The following PTPN4 variants were observed in gnomAD, a reference collection of about 807,000 sequenced individuals.
PTPN4 encodes the protein tyrosine-protein phosphatase non-receptor type 4.
In PTPN4, 49 loss-of-function variants were observed where a neutral mutation model predicts 135.5. The ratio of observed to expected loss-of-function variants is 0.36; its 90% CI spans 0.29 to 0.46. The LOEUF (loss-of-function observed/expected upper bound fraction) is 0.46. Ranked by LOEUF, PTPN4 falls within the 20% of genes least tolerant of loss-of-function variation. PTPN4 has a pLI of 1.00. For synonymous variants in PTPN4, 333 were observed against 369.9 expected (o/e 0.90, Z 1.14); for missense variants, 860 against 1,101.0 (o/e 0.78, Z 3.10).
intron 26 of PTPN4, among the ~76,000 whole-genome samples, chr2:119,968,530 G>T (rs1050789133): frequency 6.6e-6 from 1 of 151,706 alleles, no homozygotes. Context: ...GGTAGCTCAC[G>T]CCTGTAATCC....
At chr2:119,912,654 A>G (rs764732551) in intron 10 of PTPN4, among the ~76,000 whole-genome samples, 2 of 152,222 alleles carry the variant, frequency 1.3e-5, no homozygotes, top group Non-Finnish European at 2.9e-5. Flanking sequence ...GTTAATTATT[A>G]TCGAAACTGT....
intron 9 of PTPN4, among the ~76,000 whole-genome samples, chr2:119,889,796 A>G (rs1678214749): frequency 6.6e-6 from 1 of 152,062 alleles, no homozygotes; most frequent in Admixed American, 6.6e-5. Flanking sequence ...GTTGTATCCC[A>G]CAGGTTTTGC....
At chr2:119,768,832 T>C (rs1690685040) in intron 1 of PTPN4, among the ~76,000 whole-genome samples, 1 of 152,192 alleles carries the variant, frequency 6.6e-6, no homozygotes, top group Non-Finnish European at 1.5e-5. Flanking sequence ...AGAAATTTGT[T>C]AGAAAGGTGC....
At chr2:119,943,971 C>A (rs1679098524) in intron 15 of PTPN4, among the ~76,000 whole-genome samples, 1 of 152,118 alleles carries the variant, frequency 6.6e-6, no homozygotes, top group Non-Finnish European at 1.5e-5. Context: ...AAGCAAGTCA[C>A]ATGGCCAGGC....
chr2:119,767,987 A>C (rs928269466), intron 1 of PTPN4, among the ~76,000 whole-genome samples: 4 of 152,236 alleles, frequency 2.6e-5, no homozygotes, highest in Non-Finnish European at 5.9e-5. Flanking sequence ...TTCAGGTCTG[A>C]TGATTGCTAC....
At chr2:119,847,328 ATTTT>A (rs150876390) in intron 2 of PTPN4, among the ~76,000 whole-genome samples, 4 of 102,734 alleles carry the variant, frequency 3.9e-5, no homozygotes, top group South Asian at 3.1e-4. Context: ...ATATATATAT[ATTTT>A]TTTTTTTTTT....
At position 119,809,880 on chromosome 2, in the gene PTPN4, T is replaced by C. The variant is rs1258971515; in HGVS notation, c.27T>C (p.Ala9=). 6.2e-7 allele frequency: 1 copy of C among 1,612,352 alleles called. No homozygotes were observed. Among genetic ancestry groups the C allele is most frequent in the African/African-American group, 1.3e-5 (1 of 74,810 alleles). Residue 9 remains alanine (A), a synonymous_variant, in exon 2 of 27, where the codon GCT becomes GCC. Coordinates refer to ENST00000263708, the MANE Select transcript of PTPN4 (RefSeq NM_002830.4). The part of the protein sequence containing the change: MTSRFRLP[A]GRTYNVRASE... ...TGACCTCACGTTTCCGATTGCCTGCTGGCAGAACCTACAATGTACGAGCAT... is the reference window on the plus strand; with the variant it reads ...TGACCTCACGTTTCCGATTGCCTGCCGGCAGAACCTACAATGTACGAGCAT...
chr2:119,780,329 T>G (rs886656241), intron 1 of PTPN4, among the ~76,000 whole-genome samples: 3 of 152,200 alleles, frequency 2.0e-5, no homozygotes, highest in African/African-American at 7.2e-5. Flanking sequence ...ATGATCACAC[T>G]CAGGAAATTT....
intron 1 of PTPN4, among the ~76,000 whole-genome samples, chr2:119,808,986 T>G (rs566717614): frequency 5.3e-5 from 8 of 152,196 alleles, no homozygotes; most frequent in Non-Finnish European, 7.3e-5. Flanking sequence ...ATACTAGTCT[T>G]TCTTCTAGTT....
intron 26 of PTPN4, among the ~76,000 whole-genome samples, chr2:119,976,225 C>T (rs1679616020): frequency 2.0e-5 from 3 of 152,122 alleles, no homozygotes; most frequent in South Asian, 4.2e-4. Context: ...TCTCGATCTC[C>T]TGACCTCGTG....
intron 10 of PTPN4, among the ~76,000 whole-genome samples, chr2:119,901,290 T>C (rs1435401719): frequency 6.6e-6 from 1 of 152,164 alleles, no homozygotes; most frequent in Non-Finnish European, 1.5e-5. Flanking sequence ...GAATGATTCC[T>C]CCCTGTCCCA....
chr2:119,781,564 T>TAACC (rs1481812060), intron 1 of PTPN4, among the ~76,000 whole-genome samples: 1 of 152,282 alleles, frequency 6.6e-6, no homozygotes, highest in Admixed American at 6.5e-5. Flanking sequence ...TTGATTTATC[T>TAACC]TCAGTGTATT....
At chr2:119,906,135 T>C (rs1678484319) in intron 10 of PTPN4, among the ~76,000 whole-genome samples, 1 of 152,146 alleles carries the variant, frequency 6.6e-6, no homozygotes, top group Admixed American at 6.6e-5. Flanking sequence ...AAGTAGAGAC[T>C]GTAAAAATAA....
intron 1 of PTPN4, among the ~76,000 whole-genome samples, chr2:119,801,631 T>A (rs1238540792): frequency 6.6e-6 from 1 of 152,200 alleles, no homozygotes; most frequent in Non-Finnish European, 1.5e-5. Flanking sequence ...TTGTTAGATT[T>A]ACACCTAAGT....
At position 119,945,083 on chromosome 2, in the gene PTPN4, C is replaced by A; in HGVS notation, c.1358C>A (p.Ser453Ter). ...ANSIVLESSP[S>*]QETPGDGKPP... Reference sequence around the variant, plus strand: ...TCCAAATTTGTTTTCTTGTCTAGATCACAAGAGACCCCTGGAGATGGGAAG... The same window carrying A: ...TCCAAATTTGTTTTCTTGTCTAGATAACAAGAGACCCCTGGAGATGGGAAG... Residue 453 changes from serine (S) to a stop codon, truncating the protein, a stop_gained and splice_region_variant, in exon 16 of 27, where the codon TCA (serine) becomes TAA (stop). Transcript: ENST00000263708. LOFTEE classifies it high-confidence loss of function. The A allele has an allele frequency of 6.3e-7, 1 of 1,586,800 alleles. No individual in the cohort carries two copies. The highest frequency in any genetic ancestry group is 1.9e-5 in the Admixed American group (1 of 53,294).
intron 1 of PTPN4, among the ~76,000 whole-genome samples, chr2:119,785,212 C>T (rs1043633862): frequency 6.6e-6 from 1 of 152,178 alleles, no homozygotes; most frequent in African/African-American, 2.4e-5. Context: ...AAACTTGCCC[C>T]TGTTTGAGAA....
At chr2:119,892,328 G>A (rs774921792) in intron 9 of PTPN4, among the ~76,000 whole-genome samples, 2 of 152,180 alleles carry the variant, frequency 1.3e-5, no homozygotes, top group South Asian at 4.1e-4. Flanking sequence ...AAATAGGTAC[G>A]TGTATGTATG....
intron 26 of PTPN4, among the ~76,000 whole-genome samples, chr2:119,973,641 C>G (rs1216516045): frequency 1.7e-5 from 2 of 118,418 alleles, no homozygotes; most frequent in Non-Finnish European, 3.3e-5. Context: ...TGAAAGCTTC[C>G]TCCTTCATTT....
intron 5 of PTPN4, among the ~76,000 whole-genome samples, 155 bp downstream of exon 5, chr2:119,877,697 C>T (rs559996266): frequency 3.9e-5 from 6 of 152,248 alleles, no homozygotes; most frequent in African/African-American, 1.4e-4. Context: ...TAACGTTTTC[C>T]TCCTTTTTTG....
Sources: allele counts gnomAD v4.1 joint callset (sites outside exome capture counted in the v4.1 genomes callset), GRCh38; gene constraint gnomAD v4.1.1; transcripts MANE v1.5; gene names NCBI Gene and HGNC (gene_info 2026-07-23, HGNC 2026-07-21).